HDAC9: variants seen among roughly 807,000 people sequenced by gnomAD.
HDAC9 encodes the protein histone deacetylase 9.
In HDAC9, 41 loss-of-function variants were observed where a neutral mutation model predicts 139.4. That is an observed-to-expected ratio of 0.29 (90% CI 0.23 to 0.38). HDAC9 has a LOEUF of 0.38. Among genes scored for constraint, HDAC9 ranks in the 10% least tolerant of loss-of-function variants. HDAC9 has a pLI of 1.00. For missense variants in HDAC9, 1,147 were observed against 1,297.0 expected (o/e 0.88, Z 1.78); for synonymous variants, 517 against 476.2 (o/e 1.09, Z -1.12).
chr7:18,421,625 TAA>T (rs1258289684), intron 1 of HDAC9, among the ~76,000 whole-genome samples: 1 of 152,200 alleles, frequency 6.6e-6, no homozygotes, highest in East Asian at 1.9e-4. Flanking sequence ...CACACGTTCA[TAA>T]AGTGAAACTT....
At chr7:18,658,314 C>T (rs1426788324) in intron 11 of HDAC9, among the ~76,000 whole-genome samples, 1 of 152,116 alleles carries the variant, frequency 6.6e-6, no homozygotes, top group African/African-American at 2.4e-5. Context: ...AATGGGTGGG[C>T]AATGTTCTCA....
At chr7:18,137,338 T>C (rs1039395417) in intron 1 of HDAC9, among the ~76,000 whole-genome samples, 27 of 149,844 alleles carry the variant, frequency 1.8e-4, no homozygotes, top group African/African-American at 6.5e-4. Flanking sequence ...CTTCCAACAG[T>C]ATGTTGAATA....
chr7:18,498,124 A>C (rs1407806944), intron 2 of HDAC9, among the ~76,000 whole-genome samples: 1 of 152,196 alleles, frequency 6.6e-6, no homozygotes, highest in Non-Finnish European at 1.5e-5. Flanking sequence ...ATCAACTCCC[A>C]AAACCTGTCT....
intron 1 of HDAC9, among the ~76,000 whole-genome samples, chr7:18,091,457 G>T (rs193301454): frequency 3.9e-5 from 6 of 152,324 alleles, no homozygotes; most frequent in Admixed American, 2.0e-4. Flanking sequence ...GGAATTTGAA[G>T]TGACCACTGA....
At chr7:18,643,545 T>A (rs1459019194) in intron 8 of HDAC9, among the ~76,000 whole-genome samples, 1 of 152,108 alleles carries the variant, frequency 6.6e-6, no homozygotes, top group Non-Finnish European at 1.5e-5. Flanking sequence ...TGGAATAACA[T>A]CCTGTGTTTT....
intron 22 of HDAC9, among the ~76,000 whole-genome samples, chr7:18,911,942 A>G (rs1156909419): frequency 6.6e-6 from 1 of 152,018 alleles, no homozygotes; most frequent in African/African-American, 2.4e-5. Flanking sequence ...AGAATGTTCC[A>G]TGTACTAATG....
At chr7:18,215,054 G>A (rs1178381) in intron 2 of HDAC9, among the ~76,000 whole-genome samples, 12,473 of 152,120 alleles carry the variant, frequency 0.082, 1,061 homozygotes, top group African/African-American at 0.21. Flanking sequence ...CAAAGAGTTG[G>A]TGTTATTTGT....
At chr7:18,981,744 A>C (rs1214360392) in intron 25 of HDAC9, among the ~76,000 whole-genome samples, 1 of 152,208 alleles carries the variant, frequency 6.6e-6, no homozygotes, top group African/African-American at 2.4e-5. Flanking sequence ...TTTAGGATTA[A>C]TTTCTCCACC....
intron 11 of HDAC9, 98 bp from the exon 12 acceptor site, chr7:18,666,115 A>G: frequency 8.0e-7 from 1 of 1,256,274 alleles, no homozygotes; most frequent in East Asian, 2.4e-5. Flanking sequence ...AATGATTAGA[A>G]ATCACAGTGT....
At chr7:18,334,167 G>A (rs1385448179) in intron 1 of HDAC9, among the ~76,000 whole-genome samples, 1 of 151,366 alleles carries the variant, frequency 6.6e-6, no homozygotes, top group Non-Finnish European at 1.5e-5. Context: ...TCCAATGACT[G>A]TTTTTGAAGG....
chr7:18,864,243 C>T (rs1798322545), intron 21 of HDAC9, among the ~76,000 whole-genome samples: 1 of 152,012 alleles, frequency 6.6e-6, no homozygotes, highest in Non-Finnish European at 1.5e-5. Flanking sequence ...ATGGATGAAC[C>T]CAGAGACATT....
At chr7:18,267,457 A>G (rs561115135) in intron 2 of HDAC9, among the ~76,000 whole-genome samples, 31 of 151,996 alleles carry the variant, frequency 2.0e-4, no homozygotes, top group African/African-American at 7.5e-4. Context: ...CTTCCCCACA[A>G]CACTGTTATT....
intron 1 of HDAC9, among the ~76,000 whole-genome samples, chr7:18,149,503 G>A (rs1319965146): frequency 6.7e-6 from 1 of 150,006 alleles, no homozygotes; most frequent in Non-Finnish European, 1.5e-5. Context: ...CTACAGGCAC[G>A]TACCACCATG....
chr7:18,222,174 A>G (rs1302569029), intron 2 of HDAC9, among the ~76,000 whole-genome samples: 1 of 152,228 alleles, frequency 6.6e-6, no homozygotes, highest in African/African-American at 2.4e-5. Context: ...AATTTGAATT[A>G]TGTGCTGCTT....
At chr7:18,888,603 A>G (rs1800385661) in intron 22 of HDAC9, among the ~76,000 whole-genome samples, 1 of 152,162 alleles carries the variant, frequency 6.6e-6, no homozygotes, top group Admixed American at 6.5e-5. Flanking sequence ...CCTTAACACT[A>G]TCCCCAGATC....
At chr7:18,171,439 C>T (rs1365770075) in intron 2 of HDAC9, among the ~76,000 whole-genome samples, 1 of 152,174 alleles carries the variant, frequency 6.6e-6, no homozygotes, top group Non-Finnish European at 1.5e-5. Flanking sequence ...CCCTTTATTT[C>T]TTTCTCTTGC....
chr7:18,239,229 A>G (rs1794028228), intron 2 of HDAC9, among the ~76,000 whole-genome samples: 1 of 152,188 alleles, frequency 6.6e-6, no homozygotes, highest in Admixed American at 6.5e-5. Flanking sequence ...ACAGAAGGAT[A>G]CATCCTTTTA....
chr7:18,707,149 A>G (rs1363993006), intron 12 of HDAC9, among the ~76,000 whole-genome samples: 1 of 152,222 alleles, frequency 6.6e-6, no homozygotes, highest in Non-Finnish European at 1.5e-5. Context: ...GAAGGGTGGA[A>G]AGCAGCGAGA....
At chr7:18,243,085 C>A (rs551351674) in intron 2 of HDAC9, among the ~76,000 whole-genome samples, 3 of 152,232 alleles carry the variant, frequency 2.0e-5, no homozygotes, top group African/African-American at 7.2e-5. Context: ...TGCAGTTTTC[C>A]TTCTTTCTTT....
Sources: gnomAD v4.1 joint callset for allele counts (sites outside exome capture counted in the v4.1 genomes callset) on GRCh38, gnomAD v4.1.1 for gene constraint, MANE v1.5 for transcripts, NCBI Gene and HGNC (gene_info 2026-07-23, HGNC 2026-07-21) for gene names.